TMEFF2: variants seen among roughly 807,000 people sequenced by gnomAD.
TMEFF2 encodes the protein tomoregulin-2.
In TMEFF2, 28 loss-of-function variants were observed where a neutral mutation model predicts 53.8. The observed-to-expected ratio is 0.52, with a 90% CI of 0.39 to 0.71. The LOEUF is 0.71. Among genes scored for constraint, TMEFF2 ranks in the 30% least tolerant of loss-of-function variants. TMEFF2 has a pLI of 0.00. For missense variants in TMEFF2, 353 were observed against 455.2 expected, an observed-to-expected ratio of 0.78 and a Z score of 2.04; for synonymous variants, 162 against 166.3, an observed-to-expected ratio of 0.97 and a Z score of 0.20.
At chr2:192,121,138 G>A (rs1689543493) in intron 4 of TMEFF2, among the ~76,000 whole-genome samples, 3 of 152,072 alleles carry the variant, frequency 2.0e-5, no homozygotes, top group Non-Finnish European at 1.5e-5. Flanking sequence ...AACATACACC[G>A]AGTCTAGTGG....
intron 5 of TMEFF2, among the ~76,000 whole-genome samples, chr2:192,043,456 T>C (rs1216875954): frequency 6.6e-6 from 1 of 152,176 alleles, no homozygotes; most frequent in Non-Finnish European, 1.5e-5. Context: ...AGAATAACTG[T>C]GCATTGGGAA....
intron 4 of TMEFF2, among the ~76,000 whole-genome samples, chr2:192,118,307 TGA>T (rs147384525): frequency 0.016 from 2,485 of 152,266 alleles, 56 homozygotes; most frequent in African/African-American, 0.056. Context: ...TGCCAGTTTT[TGA>T]GAGTTCTGTA....
chr2:192,012,868 G>T (rs919627607), intron 5 of TMEFF2, among the ~76,000 whole-genome samples: 1 of 152,060 alleles, frequency 6.6e-6, no homozygotes, highest in Non-Finnish European at 1.5e-5. Context: ...TAGTAAAAAT[G>T]TATACAAATT....
chr2:192,056,416 G>A (rs1445123729), intron 5 of TMEFF2, among the ~76,000 whole-genome samples: 1 of 151,972 alleles, frequency 6.6e-6, no homozygotes, highest in Non-Finnish European at 1.5e-5. Flanking sequence ...GGAAGAGGAG[G>A]AGGGGAGGAG....
chr2:192,027,183 T>C (rs1159097763), intron 5 of TMEFF2, among the ~76,000 whole-genome samples: 1 of 152,198 alleles, frequency 6.6e-6, no homozygotes, highest in Non-Finnish European at 1.5e-5. Context: ...AATAAGGATC[T>C]GAAATAATAA....
intron 4 of TMEFF2, among the ~76,000 whole-genome samples, chr2:192,137,643 GA>G (rs1690041787): frequency 6.6e-6 from 1 of 152,030 alleles, no homozygotes; most frequent in Non-Finnish European, 1.5e-5. Flanking sequence ...AGGGTGCCAA[GA>G]AGTTCTCAGG....
chr2:192,001,001 A>G (rs1450117534), intron 5 of TMEFF2, among the ~76,000 whole-genome samples: 1 of 152,208 alleles, frequency 6.6e-6, no homozygotes, highest in East Asian at 1.9e-4. Context: ...GGAGCTGCCT[A>G]CATGTTCAAA....
chr2:192,013,478 T>G (rs1315840353), intron 5 of TMEFF2, among the ~76,000 whole-genome samples: 1 of 151,684 alleles, frequency 6.6e-6, no homozygotes, highest in South Asian at 2.1e-4. Context: ...TTTGAGACAG[T>G]CTCGCTCTAT....
At chr2:191,979,753 TAA>T (rs145774456) in intron 7 of TMEFF2, among the ~76,000 whole-genome samples, 4 of 144,682 alleles carry the variant, frequency 2.8e-5, no homozygotes, top group African/African-American at 1.0e-4. Flanking sequence ...CCAGTAGAGA[TAA>T]AAAAAAAAAA....
chr2:192,182,908 T>C (rs1691220422), intron 3 of TMEFF2, among the ~76,000 whole-genome samples: 1 of 152,022 alleles, frequency 6.6e-6, no homozygotes, highest in South Asian at 2.1e-4. Context: ...TCAAACTTTC[T>C]ATATCCCCCA....
chr2:192,133,187 TTAAC>T (rs1402450871), intron 4 of TMEFF2, among the ~76,000 whole-genome samples: 1 of 152,104 alleles, frequency 6.6e-6, no homozygotes, highest in Non-Finnish European at 1.5e-5. Context: ...CGGAGACACT[TTAAC>T]TAAATTATCT....
chr2:192,113,612 A>G (rs1238606864), intron 4 of TMEFF2, among the ~76,000 whole-genome samples: 2 of 152,174 alleles, frequency 1.3e-5, no homozygotes, highest in Non-Finnish European at 2.9e-5. Flanking sequence ...AGGTTGTTTT[A>G]AATATATATT....
chr2:192,103,456 T>C (rs1012679300), intron 4 of TMEFF2, among the ~76,000 whole-genome samples: 1 of 152,130 alleles, frequency 6.6e-6, no homozygotes, highest in Non-Finnish European at 1.5e-5. Context: ...CTTAGAATAA[T>C]TGGTCTTTGT....
chr2:192,050,204 T>C (rs77890600), intron 5 of TMEFF2, among the ~76,000 whole-genome samples: 2,117 of 152,260 alleles, frequency 0.014, 61 homozygotes, highest in African/African-American at 0.048. Context: ...ATAAAACACA[T>C]TGAAGTTCAG....
intron 4 of TMEFF2, among the ~76,000 whole-genome samples, chr2:192,133,242 C>A (rs1218471257): frequency 1.4e-3 from 213 of 151,460 alleles, no homozygotes; most frequent in African/African-American, 5.0e-3. Context: ...CATCTCATTG[C>A]CGCCCTTCTT....
At chr2:192,087,576 A>G (rs927004683) in intron 4 of TMEFF2, among the ~76,000 whole-genome samples, 9 of 152,294 alleles carry the variant, frequency 5.9e-5, no homozygotes, top group Admixed American at 4.6e-4. Flanking sequence ...AATTGGTTAA[A>G]TGTACCATGT....
chr2:192,099,237 A>G (rs980919015), intron 4 of TMEFF2, among the ~76,000 whole-genome samples: 5 of 152,152 alleles, frequency 3.3e-5, no homozygotes, highest in African/African-American at 1.2e-4. Flanking sequence ...AGAAATAGGA[A>G]CTGAAACTCT....
intron 4 of TMEFF2, among the ~76,000 whole-genome samples, chr2:192,100,469 A>G (rs1689008661): frequency 6.6e-6 from 1 of 152,198 alleles, no homozygotes; most frequent in African/African-American, 2.4e-5. Flanking sequence ...CTTATCGAAC[A>G]AAGGCTGTTT....
rs116354558 is a variant in TMEFF2, at chr2:192,125,599, T to C, written c.439+54069A>G. Among the ~76,000 whole-genome samples, 1,308 of 152,264 alleles carry C rather than the reference T, an allele frequency of 8.6e-3. 23 individuals are homozygous for C. The highest frequency in any genetic ancestry group is 0.03 in the African/African-American group (1,246 of 41,542). ...AATAAAAGTTTGTTTCTATTCACAA[T>C]AGTAAAGACATGGAATCAATCCAAA... On this transcript the variant is annotated intron_variant, in intron 4 of 9. Transcript: ENST00000272771.
Sources: gnomAD v4.1 joint callset for allele counts (sites outside exome capture counted in the v4.1 genomes callset) on GRCh38, gnomAD v4.1.1 for gene constraint, MANE v1.5 for transcripts, NCBI Gene and HGNC (gene_info 2026-07-23, HGNC 2026-07-21) for gene names.